TARBP2: variants seen among roughly 807,000 people sequenced by gnomAD.
TARBP2 encodes the protein TARBP2 subunit of RISC loading complex.
Under a neutral mutation model 40.4 loss-of-function variants are expected in TARBP2, and 23 were observed. The ratio of observed to expected loss-of-function variants is 0.57; its 90% CI spans 0.41 to 0.81. The LOEUF (loss-of-function observed/expected upper bound fraction) is 0.81. TARBP2 is among the 30% of genes least tolerant of loss of function. The pLI, the probability that TARBP2 is intolerant of heterozygous loss-of-function variation, is 0.00. For missense variants in TARBP2, 358 were observed against 473.7 expected, an observed-to-expected ratio of 0.76 and a Z score of 2.27; for synonymous variants, 183 against 190.5, an observed-to-expected ratio of 0.96 and a Z score of 0.32.
At position 53,505,968 on chromosome 12, in the gene TARBP2, C is replaced by G. The variant is rs1298866391; in HGVS notation, c.944-23C>G. The stretch of plus-strand genomic sequence containing the variant: ...AGGGCTACCTCCCCCAACATTGCCT[C>G]CCTCCTCTCTCTTGCTCTCCAGAGG... On this transcript the variant is annotated intron_variant, in intron 8 of 8. Transcript: ENST00000266987. This position sits in a 1 kb window ranked among gnomAD's most constrained non-coding sequence, Gnocchi z 4.5. 6 of 1,609,334 alleles carry G rather than the reference C, an allele frequency of 3.7e-6. No homozygotes were observed. In the Admixed American group the frequency reaches 1.0e-4, roughly 27 times the overall value.
intron 1 of TARBP2, 171 bp from the exon 2 acceptor site, chr12:53,501,844 C>T (rs933659254): frequency 3.0e-6 from 4 of 1,323,182 alleles, no homozygotes; most frequent in East Asian, 5.0e-5. Context: ...GTAGTGGGCC[C>T]TACTTTTCCA....
rs1236387428 is a variant in TARBP2, at chr12:53,501,440, C to T, written c.32C>T (p.Thr11Ile). The T allele has an allele frequency of 3.8e-6, 6 of 1,569,078 alleles. No homozygotes were observed. Among genetic ancestry groups the T allele is most frequent in the Non-Finnish European group, 5.2e-6 (6 of 1,156,864 alleles). MSEEEQGSGT[T>I]TGCGLPSIEQ... ...GAAGAGGAGCAAGGCTCCGGCACTA[C>T]CACGGGCTGCGGGCTGCCTAGGTGA... Residue 11 changes from threonine (T) to isoleucine (I), a missense_variant, in exon 1 of 9, where the codon ACC (threonine) becomes ATC (isoleucine). Physicochemically the swap from Thr to Ile is moderately conservative, Grantham distance 89. Coordinates refer to ENST00000266987, the MANE Select transcript of TARBP2 (RefSeq NM_134323.2).
Position 53,503,812 on chromosome 12 carries a change from T to A in TARBP2, c.422+4T>A. On this transcript the variant is annotated splice_donor_region_variant and intron_variant, in intron 4 of 8. Transcript: ENST00000266987. ...TTCCATCTGTAGTCCTAACCAGGTATCTGTGTCCCCTGACTGCCTGAGGTG... is the reference window on the plus strand; with the variant it reads ...TTCCATCTGTAGTCCTAACCAGGTAACTGTGTCCCCTGACTGCCTGAGGTG... The A allele has an allele frequency of 6.2e-7, 1 of 1,613,436 alleles. No individual in the cohort carries two copies. The highest frequency in any genetic ancestry group is 1.1e-5 in the South Asian group (1 of 91,082).
chr12:53,501,488 A>G, intron 1 of TARBP2, 27 bp downstream of exon 1: 1 of 1,557,302 alleles, frequency 6.4e-7, no homozygotes, highest in Non-Finnish European at 8.7e-7. Flanking sequence ...CGATTCCTTC[A>G]GGGCGAAAAG....
At chr12:53,501,697 T>G in intron 1 of TARBP2, 1 of 1,434,366 alleles carries the variant, frequency 7.0e-7, no homozygotes, top group Non-Finnish European at 9.1e-7. Context: ...GCCCCCACAT[T>G]CAGTGCATTT....
At chr12:53,503,182 C>A in intron 3 of TARBP2, 53 bp downstream of exon 3, 1 of 1,499,174 alleles carries the variant, frequency 6.7e-7, no homozygotes, top group Non-Finnish European at 8.9e-7. Context: ...CCAGGCCCTG[C>A]ACCACCCACT....
chr12:53,503,965 G>A (rs1259392930), intron 4 of TARBP2, 157 bp downstream of exon 4: 1 of 646,302 alleles, frequency 1.5e-6, no homozygotes, highest in Non-Finnish European at 2.8e-6. Flanking sequence ...CACAGCAGCT[G>A]GTAAGCTCTT....
At position 53,506,184 on chromosome 12, in the gene TARBP2, TCCCTGCTCTTTCTG is replaced by T. The variant is rs758150043; in HGVS notation, c.*39_*52del. On this transcript the variant is annotated 3_prime_UTR_variant, in exon 9 of 9. Coordinates refer to ENST00000266987, the MANE Select transcript of TARBP2 (RefSeq NM_134323.2). The stretch of plus-strand genomic sequence containing the variant: ...GGACTCATGGATGTGCACCCTTTGC[TCCCTGCTCTTTCTG>T]CCTCTGGGCTCATGTATCTGCGCAG... 2 of 1,600,850 alleles carry T rather than the reference TCCCTGCTCTTTCTG, an allele frequency of 1.2e-6. No individual in the cohort carries two copies. Among genetic ancestry groups the T allele is most frequent in the South Asian group, 2.2e-5 (2 of 90,264 alleles).
rs1592731126 is a variant in TARBP2 at position 53,501,343 on chromosome 12, G to A, written c.-66G>A. ...CCGGGCTTGGCCCCGGCCCTAGCTCGTCGGCTGTGTATTGGGGCGCGTGGA... is the reference window on the plus strand; with the variant it reads ...CCGGGCTTGGCCCCGGCCCTAGCTCATCGGCTGTGTATTGGGGCGCGTGGA... On this transcript the variant is annotated 5_prime_UTR_variant, in exon 1 of 9. Coordinates refer to ENST00000266987, the MANE Select transcript of TARBP2 (RefSeq NM_134323.2). 1.1e-5 allele frequency: 17 copies of A among 1,540,008 alleles called. No homozygotes were observed. The East Asian group carries it at 3.9e-4, about 36-fold the overall frequency.
rs1943690140 is a variant in TARBP2 at position 53,501,327 on chromosome 12, G to A, written c.-82G>A. On this transcript the variant is annotated 5_prime_UTR_variant, in exon 1 of 9. Coordinates refer to ENST00000266987, the MANE Select transcript of TARBP2 (RefSeq NM_134323.2). ...CCTACCGGCCGCGACTCCGGGCTTG[G>A]CCCCGGCCCTAGCTCGTCGGCTGTG... 1.3e-5 allele frequency: 20 copies of A among 1,509,422 alleles called. No homozygotes were observed. Among genetic ancestry groups the A allele is most frequent in the Non-Finnish European group, 1.6e-5 (18 of 1,114,398 alleles). The allele number at this position is 1,509,422 out of a possible 1,614,324, so 93.5% of individuals were successfully genotyped here.
In TARBP2 at chr12:53,501,414, T is replaced by G; in HGVS notation, c.6T>G (p.Ser2Arg). 2.6e-6 allele frequency: 4 copies of G among 1,565,118 alleles called. No homozygotes were observed. The highest frequency in any genetic ancestry group is 3.5e-6 in the Non-Finnish European group (4 of 1,154,930). The stretch of plus-strand genomic sequence containing the variant: ...CCGCGGGGACGGAGGAGGGAATGAG[T>G]GAAGAGGAGCAAGGCTCCGGCACTA... The part of the protein sequence containing the change: M[S>R]EEEQGSGTTT... The change falls in exon 1 of 9, where the codon AGT (serine) becomes AGG (arginine). Residue 2 changes from serine to arginine, a missense_variant. Physicochemically the swap from Ser to Arg is moderately radical, Grantham distance 110. This residue lies in a region of TARBP2 where 32 missense variants were observed against 21.6 expected (regional missense o/e 1.48). Coordinates refer to ENST00000266987, the MANE Select transcript of TARBP2 (RefSeq NM_134323.2).
chr12:53,506,298 C>A lies in TARBP2; in HGVS notation c.*150C>A. 1.0e-6 allele frequency: 1 copy of A among 983,356 alleles called. No homozygotes were observed. The highest frequency in any genetic ancestry group is 1.5e-6 in the Non-Finnish European group (1 of 684,756). The allele number at this position is 983,356 out of a possible 1,614,324, so 60.9% of individuals were successfully genotyped here. A position where few individuals can be genotyped will look rare whatever the true frequency, so the allele number is the denominator to read the frequency against. ...GCCTTGAAGCTGAGAAGGCACAGGGCAAGGAGCCAAGGACCACAGAGCCTC... is the reference window on the plus strand; with the variant it reads ...GCCTTGAAGCTGAGAAGGCACAGGGAAAGGAGCCAAGGACCACAGAGCCTC... On this transcript the variant is annotated 3_prime_UTR_variant, in exon 9 of 9. Transcript: ENST00000266987.
chr12:53,501,100 G>A (rs1043293962), upstream of TARBP2: 10 of 443,836 alleles, frequency 2.3e-5, no homozygotes, highest in East Asian at 3.9e-4. Context: ...GAAGGAAGGA[G>A]GCGGGACGGT....
intron 1 of TARBP2, 103 bp downstream of exon 1, chr12:53,501,564 G>A: frequency 6.6e-7 from 1 of 1,520,670 alleles, no homozygotes; most frequent in Non-Finnish European, 8.9e-7. Flanking sequence ...GGTTGTTCCC[G>A]GCAAGCACTG....
intron 5 of TARBP2, 24 bp downstream of exon 5, chr12:53,504,493 T>C (rs1943869679): frequency 6.2e-7 from 1 of 1,611,166 alleles, no homozygotes. Flanking sequence ...TCATTTCCCA[T>C]GCATGCCTGT....
At chr12:53,501,780 C>T (rs532513665) in intron 1 of TARBP2, 60 of 1,365,810 alleles carry the variant, frequency 4.4e-5, no homozygotes, top group East Asian at 1.0e-4. Context: ...GGCACAGGAT[C>T]GTGCCCACCT....
chr12:53,503,104 C>T lies in TARBP2; in HGVS notation c.301C>T (p.Leu101=), dbSNP rs1565898979. 1 of 1,550,242 alleles carries T rather than the reference C, an allele frequency of 6.5e-7. No homozygotes were observed. Among genetic ancestry groups the T allele is most frequent in the Non-Finnish European group, 8.7e-7 (1 of 1,146,250 alleles). The change falls in exon 3 of 9, where the codon CTG becomes TTG. Residue 101 remains leucine, a synonymous_variant. Transcript: ENST00000266987. The stretch of plus-strand genomic sequence containing the variant: ...CAAACACCTCAAAGGGGGGAGCATG[C>T]TGGAGCCGGCCCTGGAGGACAGCAG... ...ALKHLKGGSM[L]EPALEDSSSF... is the part of the protein sequence containing the mutation.
Position 53,505,824 on chromosome 12 carries a change from C to A in TARBP2, c.917C>A (p.Ala306Asp), listed in dbSNP as rs1943951807. The A allele has an allele frequency of 6.2e-7, 1 of 1,613,802 alleles. No individual in the cohort carries two copies. Among genetic ancestry groups the A allele is most frequent in the African/African-American group, 1.3e-5 (1 of 74,862 alleles). ...RVLSELSEEQ[A>D]FHVSYLDIEE... is the part of the protein sequence containing the mutation. ...CTCAGTGAGCTCTCTGAGGAGCAGG[C>A]CTTTCACGTCAGCTACCTGGATATT... Residue 306 changes from alanine to aspartate, a missense_variant, in exon 8 of 9, where the codon GCC becomes GAC. By Grantham distance (126) the Ala-to-Asp change is moderately radical. Transcript: ENST00000266987. The surrounding 1 kb of genome is among the most constrained non-coding windows in gnomAD (Gnocchi z 4.5).
Position 53,502,174 on chromosome 12 carries a change from C to A in TARBP2, c.213C>A (p.Thr71=), listed in dbSNP as rs777651228. The change falls in exon 2 of 9, where the codon ACC becomes ACA. Residue 71 remains threonine (T), a synonymous_variant. Transcript: ENST00000266987. ...CCTTCCGGGTCACCGTTGGCGACACCAGCTGCACTGGTGAGGAAGGCTTGG... is the reference window on the plus strand; with the variant it reads ...CCTTCCGGGTCACCGTTGGCGACACAAGCTGCACTGGTGAGGAAGGCTTGG... ...NFTFRVTVGD[T]SCTGQGPSKK... 3 of 1,614,234 alleles carry A rather than the reference C, an allele frequency of 1.9e-6. No homozygotes were observed. Among genetic ancestry groups the A allele is most frequent in the Admixed American group, 1.7e-5 (1 of 60,026 alleles).
Sources: gnomAD v4.1 joint callset for allele counts on GRCh38, gnomAD v4.1.1 for gene constraint, gnomAD v4.1.1 regional missense constraint, Gnocchi (gnomAD v3.1) non-coding constraint, MANE v1.5 for transcripts, NCBI Gene and HGNC (gene_info 2026-07-23, HGNC 2026-07-21) for gene names.